AARS1: variants seen among roughly 807,000 people sequenced by gnomAD.
AARS1 encodes the protein alanine--tRNA ligase, cytoplasmic.
Under a neutral mutation model 108.9 loss-of-function variants are expected in AARS1, and 72 were observed. The observed-to-expected ratio is 0.66, with a 90% CI of 0.55 to 0.80. AARS1 has a LOEUF of 0.80. AARS1 is among the 30% of genes least tolerant of loss of function. AARS1 has a pLI of 0.00. For missense variants in AARS1, 1,193 were observed against 1,233.2 expected (o/e 0.97, Z 0.49); for synonymous variants, 489 against 465.7 (o/e 1.05, Z -0.64).
At chr16:70,253,464 G>T in intron 19 of AARS1, 83 bp from the exon 20 acceptor site, 1 of 1,220,112 alleles carries the variant, frequency 8.2e-7, no homozygotes, top group South Asian at 1.3e-5. Flanking sequence ...CAGAAGGCCT[G>T]CCACCCACCC....
chr16:70,254,484 C>G (rs1959928584), intron 17 of AARS1, 137 bp downstream of exon 17: 8 of 709,430 alleles, frequency 1.1e-5, no homozygotes, highest in Non-Finnish European at 2.1e-5. Context: ...TGCTACAAGG[C>G]TACAGGACAA....
intron 10 of AARS1, 139 bp downstream of exon 10, chr16:70,265,399 G>T: frequency 1.5e-6 from 2 of 1,334,900 alleles, no homozygotes; most frequent in Non-Finnish European, 2.1e-6. Flanking sequence ...AGGCAGACTC[G>T]CCCCCACTTG....
At chr16:70,270,487 G>A (rs1960372218) in intron 5 of AARS1, 147 bp from the exon 6 acceptor site, 1 of 960,996 alleles carries the variant, frequency 1.0e-6, no homozygotes. Context: ...GGGAAGTGGA[G>A]GGAGAAAGGA....
At chr16:70,278,000 G>A (rs991685905) in intron 2 of AARS1, among the ~76,000 whole-genome samples, 8 of 151,864 alleles carry the variant, frequency 5.3e-5, no homozygotes, top group South Asian at 2.1e-4. Flanking sequence ...TGATTTGCCC[G>A]CCTCAGCCTC....
At chr16:70,262,761 G>C (rs1323607471) in intron 11 of AARS1, among the ~76,000 whole-genome samples, 1 of 151,820 alleles carries the variant, frequency 6.6e-6, no homozygotes, top group Non-Finnish European at 1.5e-5. Context: ...GGGGTCAAGA[G>C]ATCGAGACCA....
chr16:70,258,933 C>T, intron 14 of AARS1, 47 bp downstream of exon 14: 1 of 1,567,774 alleles, frequency 6.4e-7, no homozygotes, highest in Non-Finnish European at 8.8e-7. Flanking sequence ...TGTGGACAGA[C>T]AGTGACGGTG....
chr16:70,288,098 CTT>C (rs34369477), intron 1 of AARS1, among the ~76,000 whole-genome samples: 59 of 83,914 alleles, frequency 7.0e-4, no homozygotes, highest in East Asian at 2.6e-3. Flanking sequence ...TCCCCTTCTT[CTT>C]TTTTTTTTTT....
chr16:70,270,178 T>A lies in AARS1; in HGVS notation c.816+18A>T. 6.2e-7 allele frequency: 1 copy of A among 1,614,028 alleles called. No individual in the cohort carries two copies. The highest frequency in any genetic ancestry group is 2.2e-5 in the East Asian group (1 of 44,882). On this transcript the variant is annotated intron_variant, in intron 6 of 20. Transcript: ENST00000261772. ...AAAACTCCACAGAAGTTTACAATGT[T>A]TGCAATAGCACCAGTACCTTCTGAA...
At chr16:70,282,868 C>A in intron 1 of AARS1, 84 bp from the exon 2 acceptor site, 15 of 1,405,486 alleles carry the variant, frequency 1.1e-5, no homozygotes, top group Non-Finnish European at 1.5e-5. Flanking sequence ...GCTTCTCAAG[C>A]CAAGTCAAAG....
chr16:70,268,437 C>T, intron 7 of AARS1, 58 bp from the exon 8 acceptor site: 1 of 1,447,444 alleles, frequency 6.9e-7, no homozygotes, highest in Non-Finnish European at 9.7e-7. Context: ...GTCTTGAGTC[C>T]CTTGGAATCC....
chr16:70,255,691 T>C (rs1375075828), intron 16 of AARS1, 37 bp downstream of exon 16: 5 of 1,586,370 alleles, frequency 3.2e-6, no homozygotes, highest in East Asian at 2.2e-5. Context: ...CCTCTTGCCT[T>C]CTTCAGATAA....
In AARS1 at chr16:70,266,326, T is replaced by TA. The variant is rs1044328456; in HGVS notation, c.1223-665dup. Among the ~76,000 whole-genome samples, 13 of 138,868 alleles carry TA rather than the reference T, an allele frequency of 9.4e-5. No individual in the cohort carries two copies. The South Asian group carries it at 1.4e-3, about 14-fold the overall frequency. 91.1% of individuals were successfully genotyped at this position (138,868 alleles called of 152,430 possible). On this transcript the variant is annotated intron_variant, in intron 9 of 20. Transcript: ENST00000261772. ...AAGACTCTGTCTCAAAAATAAAAAATAAAAAAAAATAAATAAAAAAATTGC... is the reference window on the plus strand; with the variant it reads ...AAGACTCTGTCTCAAAAATAAAAAATAAAAAAAAAATAAATAAAAAAATTGC...
At chr16:70,264,415 C>T (rs1960215371) in intron 11 of AARS1, among the ~76,000 whole-genome samples, 1 of 151,826 alleles carries the variant, frequency 6.6e-6, no homozygotes, top group Admixed American at 6.6e-5. Flanking sequence ...CTCCCAGGTT[C>T]AGGCGATTCT....
intron 13 of AARS1, among the ~76,000 whole-genome samples, chr16:70,260,179 G>C (rs1165223258): frequency 6.6e-6 from 1 of 152,206 alleles, no homozygotes; most frequent in African/African-American, 2.4e-5. Flanking sequence ...GGAACATGTG[G>C]TCAGCAAAGC....
chr16:70,256,731 G>A (rs774411125), intron 15 of AARS1, among the ~76,000 whole-genome samples: 3 of 152,024 alleles, frequency 2.0e-5, no homozygotes, highest in Non-Finnish European at 4.4e-5. Flanking sequence ...AATCCCCCAG[G>A]CCCCTATCCT....
At chr16:70,258,940 G>A (rs779779037) in intron 14 of AARS1, 40 bp downstream of exon 14, 30 of 1,580,764 alleles carry the variant, frequency 1.9e-5, no homozygotes, top group East Asian at 6.7e-5. Flanking sequence ...AGACAGTGAC[G>A]GTGTGGGGAG....
intron 16 of AARS1, among the ~76,000 whole-genome samples, chr16:70,255,194 A>ATTTTTTTTTTTT (rs946837808): frequency 9.6e-6 from 1 of 104,276 alleles, no homozygotes; most frequent in African/African-American, 3.7e-5. Flanking sequence ...CCAGATTCAC[A>ATTTTTTTTTTTT]TTTTTTTTTT....
Position 70,265,538 on chromosome 16 carries a change from C to T in AARS1, c.1347G>A (p.Gln449=), listed in dbSNP as rs200557581. 3.7e-5 allele frequency: 59 copies of T among 1,613,744 alleles called. No homozygotes were observed. The highest frequency in any genetic ancestry group is 4.7e-5 in the Non-Finnish European group (56 of 1,179,858). The part of the protein sequence containing the change: ...DGFEEERKLA[Q]LKSQGKGAGG... ...CCTGTTCACTCTCCAAGTTCTTTAC[C>T]TGGGCCAGTTTCCTCTCCTCTTCAA... Residue 449 remains glutamine, a splice_region_variant and synonymous_variant, in exon 10 of 21, where the codon CAG becomes CAA. Transcript: ENST00000261772.
At position 70,268,302 on chromosome 16, in the gene AARS1, G is replaced by A; in HGVS notation, c.1040C>T (p.Ala347Val). Reference protein sequence around the residue: ...EKLNASRGFFATLVDVVVQSL... With the variant: ...EKLNASRGFFVTLVDVVVQSL... ...CTGGACGACAACATCCACTAACGTA[G>A]CAAAGAAGCCCCTGCTGGCATTGAG... The change falls in exon 8 of 21, where the codon GCT becomes GTT. Residue 347 changes from alanine (A) to valine (V), a missense_variant. Coordinates refer to ENST00000261772, the MANE Select transcript of AARS1 (RefSeq NM_001605.3). 3 of 1,614,178 alleles carry A rather than the reference G, an allele frequency of 1.9e-6. No homozygotes were observed. The highest frequency in any genetic ancestry group is 2.5e-6 in the Non-Finnish European group (3 of 1,180,022).
Sources: allele counts gnomAD v4.1 joint callset (sites outside exome capture counted in the v4.1 genomes callset), GRCh38; gene constraint gnomAD v4.1.1; transcripts MANE v1.5; gene names NCBI Gene and HGNC (gene_info 2026-07-23, HGNC 2026-07-21).